The following DLC1 variants were observed in gnomAD, a reference collection of about 807,000 sequenced individuals.
DLC1 encodes the protein rho GTPase-activating protein 7.
In DLC1, 54 loss-of-function variants were observed where a neutral mutation model predicts 140.3. That is an observed-to-expected ratio of 0.38 (90% CI 0.31 to 0.48). DLC1 has a LOEUF of 0.48. DLC1 is among the 20% of genes least tolerant of loss of function. DLC1 has a pLI of 0.96. For synonymous variants in DLC1, 986 were observed against 728.1 expected, an observed-to-expected ratio of 1.35 and a Z score of -5.70; for missense variants, 2,536 against 1,907.0, an observed-to-expected ratio of 1.33 and a Z score of -6.14.
chr8:13,523,125 T>C lies in DLC1; in HGVS notation c.-125-22929A>G, dbSNP rs953024330. 3.3e-5 allele frequency among the ~76,000 whole-genome samples: 5 copies of C among 152,186 alleles called. No homozygotes were observed. The East Asian group carries it at 9.6e-4, about 29-fold the overall frequency. On this transcript the variant is annotated intron_variant, in intron 1 of 1. Coordinates refer to the DLC1 transcript ENST00000631382. ...GATCAGAGATGTGGCAAGATCTACT[T>C]TACATTTTAATAAAATTAGTTGAAA...
chr8:13,502,447 T>A (rs970349309), intron 1 of DLC1, among the ~76,000 whole-genome samples: 1 of 152,176 alleles, frequency 6.6e-6, no homozygotes, highest in Non-Finnish European at 1.5e-5. Flanking sequence ...GGTCTGATAG[T>A]TTTTTTAAAA....
At chr8:13,290,836 T>G (rs1374684550) in intron 5 of DLC1, among the ~76,000 whole-genome samples, 3 of 152,180 alleles carry the variant, frequency 2.0e-5, no homozygotes, top group Non-Finnish European at 2.9e-5. Context: ...AGCATTCCTG[T>G]GATGGCACTA....
intron 1 of DLC1, among the ~76,000 whole-genome samples, chr8:13,550,571 G>A (rs1276804785): frequency 2.6e-5 from 4 of 152,126 alleles, no homozygotes; most frequent in Non-Finnish European, 1.5e-5. Context: ...GAGGCATATG[G>A]TTTTCTGCAG....
intron 1 of DLC1, among the ~76,000 whole-genome samples, chr8:13,546,632 C>T (rs1035693352): frequency 6.6e-6 from 1 of 152,072 alleles, no homozygotes; most frequent in Non-Finnish European, 1.5e-5. Context: ...AAACCAGGGC[C>T]CTCTGCTCTC....
intron 5 of DLC1, among the ~76,000 whole-genome samples, chr8:13,255,288 T>C (rs1414263770): frequency 6.6e-6 from 1 of 152,180 alleles, no homozygotes; most frequent in Non-Finnish European, 1.5e-5. Flanking sequence ...CTCTTAAGTG[T>C]CAATTTTGTT....
intron 2 of DLC1, among the ~76,000 whole-genome samples, chr8:13,408,998 T>TA (rs1242306017): frequency 3.3e-5 from 5 of 152,080 alleles, no homozygotes; most frequent in Non-Finnish European, 2.9e-5. Context: ...TCCTTTTTCA[T>TA]AAAAATGTAC....
At chr8:13,119,413 T>G (rs915227456) in intron 5 of DLC1, among the ~76,000 whole-genome samples, 1 of 151,998 alleles carries the variant, frequency 6.6e-6, no homozygotes, top group Admixed American at 6.6e-5. Flanking sequence ...AAGATGAAAT[T>G]TCACTCATCC....
At chr8:13,117,917 A>C in intron 5 of DLC1, among the ~76,000 whole-genome samples, 1 of 152,054 alleles carries the variant, frequency 6.6e-6, no homozygotes, top group East Asian at 1.9e-4. Flanking sequence ...TATATTTTTT[A>C]TATAATAACT....
At chr8:13,173,661 C>T (rs1193940257) in intron 5 of DLC1, among the ~76,000 whole-genome samples, 1 of 152,162 alleles carries the variant, frequency 6.6e-6, no homozygotes, top group African/African-American at 2.4e-5. Context: ...TGAGCCACCG[C>T]GCCCGGCCTG....
intron 2 of DLC1, among the ~76,000 whole-genome samples, chr8:13,445,350 G>T (rs1164761948): frequency 3.3e-5 from 5 of 152,152 alleles, no homozygotes; most frequent in Admixed American, 3.3e-4. Flanking sequence ...GAGGAAGGAA[G>T]CAGGAAACTC....
chr8:13,256,588 C>A (rs961478987), intron 5 of DLC1, among the ~76,000 whole-genome samples: 1 of 152,052 alleles, frequency 6.6e-6, no homozygotes, highest in African/African-American at 2.4e-5. Context: ...ATGAATGAAG[C>A]TGGAAACCAT....
chr8:13,551,941 A>G (rs1803870341), intron 1 of DLC1, among the ~76,000 whole-genome samples: 1 of 143,456 alleles, frequency 7.0e-6, no homozygotes, highest in Non-Finnish European at 1.5e-5. Flanking sequence ...ATAGGTATAT[A>G]TATGTACCTC....
chr8:13,546,177 T>G (rs1478387761), intron 1 of DLC1, among the ~76,000 whole-genome samples: 3 of 152,164 alleles, frequency 2.0e-5, no homozygotes, highest in African/African-American at 4.8e-5. Flanking sequence ...TTTTCTCATA[T>G]TGGTCATTAA....
chr8:13,504,309 A>G (rs1239446261), intron 1 of DLC1, among the ~76,000 whole-genome samples: 2 of 152,018 alleles, frequency 1.3e-5, no homozygotes, highest in Admixed American at 6.6e-5. Context: ...TATTTTTCCT[A>G]GAGACAGTTT....
chr8:13,554,451 C>A (rs1402011559), intron 1 of DLC1, among the ~76,000 whole-genome samples: 1 of 152,174 alleles, frequency 6.6e-6, no homozygotes, highest in Non-Finnish European at 1.5e-5. Flanking sequence ...ACCTGTTTTA[C>A]ATCTCCACTT....
intron 5 of DLC1, among the ~76,000 whole-genome samples, chr8:13,209,418 C>T (rs1408792280): frequency 1.3e-5 from 2 of 152,134 alleles, no homozygotes; most frequent in African/African-American, 2.4e-5. Flanking sequence ...AGTAGCTAAG[C>T]TCACTCACTA....
chr8:13,565,897 C>A (rs1475843597), intron 1 of DLC1, among the ~76,000 whole-genome samples: 1 of 152,060 alleles, frequency 6.6e-6, no homozygotes, highest in Non-Finnish European at 1.5e-5. Context: ...AAAAATATAT[C>A]CTGTGTAATA....
At chr8:13,537,254 A>G (rs910968971) in intron 1 of DLC1, among the ~76,000 whole-genome samples, 47 of 152,242 alleles carry the variant, frequency 3.1e-4, no homozygotes, top group Non-Finnish European at 1.3e-4. Context: ...CAGATCAAGA[A>G]TCACGTTTTG....
chr8:13,236,836 T>G (rs1195139145), intron 5 of DLC1, among the ~76,000 whole-genome samples: 1 of 151,878 alleles, frequency 6.6e-6, no homozygotes. Context: ...CCATGAGAAG[T>G]GTTCAGTGCT....
Sources: allele counts gnomAD v4.1 joint callset (sites outside exome capture counted in the v4.1 genomes callset), GRCh38; gene constraint gnomAD v4.1.1; transcripts MANE v1.5; gene names NCBI Gene and HGNC (gene_info 2026-07-23, HGNC 2026-07-21).